The following FBXL2 variants were observed in gnomAD, a reference collection of about 807,000 sequenced individuals.
The protein encoded by FBXL2 is F-box and leucine rich repeat protein 2.
A neutral mutation model predicts 69.2 loss-of-function variants in FBXL2; 38 were observed. The observed-to-expected ratio is 0.55, with a 90% confidence interval of 0.42 to 0.72. FBXL2 has a LOEUF of 0.72. Ranked by LOEUF, FBXL2 falls within the 30% of genes least tolerant of loss-of-function variation. The pLI is 0.00. For synonymous variants in FBXL2, 192 were observed against 201.3 expected, an observed-to-expected ratio of 0.95 and a Z score of 0.39; for missense variants, 354 against 520.3, an observed-to-expected ratio of 0.68 and a Z score of 3.11.
chr3:33,355,652 A>G (rs1466641459), intron 2 of FBXL2, among the ~76,000 whole-genome samples: 2 of 152,226 alleles, frequency 1.3e-5, no homozygotes, highest in African/African-American at 4.8e-5. Flanking sequence ...GGAGCAGAAT[A>G]CAAAGTCCAA....
At chr3:33,379,682 AAAAAAAAAACAAAAAC>A (rs1238091371) in intron 13 of FBXL2, among the ~76,000 whole-genome samples, 1 of 108,270 alleles carries the variant, frequency 9.2e-6, no homozygotes, top group African/African-American at 3.6e-5. Context: ...AAATTGTACC[AAAAAAAAAACAAAAAC>A]AAAAAAAAAC....
At chr3:33,277,636 G>T (rs2033432588) in intron 1 of FBXL2, 121 bp downstream of exon 1, 1 of 1,040,620 alleles carries the variant, frequency 9.6e-7, no homozygotes, top group Admixed American at 4.3e-5. Flanking sequence ...GCCGGGCCGC[G>T]GCCTGCGAGG....
At chr3:33,376,426 T>C (rs2042645242) in intron 10 of FBXL2, among the ~76,000 whole-genome samples, 1 of 152,170 alleles carries the variant, frequency 6.6e-6, no homozygotes, top group Non-Finnish European at 1.5e-5. Flanking sequence ...CTTACTGTTG[T>C]AGAGAAGGTA....
chr3:33,335,678 ATATT>A (rs2039520918), intron 2 of FBXL2, among the ~76,000 whole-genome samples: 1 of 152,356 alleles, frequency 6.6e-6, no homozygotes, highest in East Asian at 1.9e-4. Flanking sequence ...ATATGCATAA[ATATT>A]TAATTATTTC....
chr3:33,408,690 A>G, the FBXL2 span: 2 of 1,612,994 alleles, frequency 1.2e-6, no homozygotes, highest in South Asian at 1.1e-5. Context: ...AGTCCCTTAC[A>G]CTGCCTCGCT....
In FBXL2 at chr3:33,385,548, C is replaced by G. The variant is rs1559651836; in HGVS notation, c.1212C>G (p.Thr404=). The G allele has an allele frequency of 6.2e-7, 1 of 1,614,062 alleles. No homozygotes were observed. The highest frequency in any genetic ancestry group is 1.7e-5 in the Admixed American group (1 of 60,000). Residue 404 remains threonine, a synonymous_variant, in exon 15 of 15, where the codon ACC becomes ACG. Transcript: ENST00000484457. ...TCCACGCCTACTTTGCTCCCGTCAC[C>G]CCACCGACAGCAGTGGCAGGAAGTG... The part of the protein sequence containing the change: ...VKVHAYFAPV[T]PPTAVAGSGQ...
At chr3:33,408,649 A>G (rs187316701), downstream of FBXL2, 9 of 1,562,326 alleles carry the variant, frequency 5.8e-6, no homozygotes, top group East Asian at 1.1e-4. Context: ...ACACTGCACA[A>G]GGTTTCTTGC....
chr3:33,396,310 T>TG lies in FBXL2; in HGVS notation n.1215-6921dup, dbSNP rs2043993512. On this transcript the variant is annotated intron_variant and non_coding_transcript_variant, in intron 12 of 12. Transcript: ENST00000463736. ...AATCAGAAGATGCCACTGATGAGCC[T>TG]GGGAGAGAAAGCTGCCTTACACATG... is the stretch of plus-strand genomic sequence containing the variant. The TG allele has an allele frequency of 2.6e-6, 4 of 1,529,326 alleles. No individual in the cohort carries two copies. The East Asian group carries it at 9.2e-5, about 35-fold the overall frequency. The allele number at this position is 1,529,326 out of a possible 1,614,324, so 94.7% of individuals were successfully genotyped here. A position where few individuals can be genotyped will look rare whatever the true frequency, so the allele number is the denominator to read the frequency against.
the FBXL2 span, among the ~76,000 whole-genome samples, chr3:33,420,309 T>C: frequency 5.9e-4 from 90 of 152,190 alleles, no homozygotes; most frequent in African/African-American, 2.1e-3. Context: ...TAGGGACTTA[T>C]AGCTGTACTT....
chr3:33,409,097 C>T, the FBXL2 span: 6 of 836,612 alleles, frequency 7.2e-6, no homozygotes, highest in Admixed American at 1.6e-4. Flanking sequence ...TAAATATTTT[C>T]CCCAGAAATT....
chr3:33,277,539 C>T, intron 1 of FBXL2, 24 bp downstream of exon 1: 1 of 1,285,348 alleles, frequency 7.8e-7, no homozygotes, highest in African/African-American at 1.5e-5. Flanking sequence ...CCGCGTCTGC[C>T]TAGCTGCCCC....
chr3:33,378,093 A>T lies in FBXL2; in HGVS notation c.850-10A>T. ...CTCACATGTGGGGTGTGTCTTGTGGACTCTTCCAGAATTGCCACGAATTGG... is the reference window on the plus strand; with the variant it reads ...CTCACATGTGGGGTGTGTCTTGTGGTCTCTTCCAGAATTGCCACGAATTGG... On this transcript the variant is annotated splice_polypyrimidine_tract_variant and intron_variant, in intron 11 of 14. Coordinates refer to ENST00000484457, the MANE Select transcript of FBXL2 (RefSeq NM_012157.5). 6.2e-7 allele frequency: 1 copy of T among 1,613,992 alleles called. No individual in the cohort carries two copies.
chr3:33,277,351 A>C, upstream of FBXL2: 1 of 674,666 alleles, frequency 1.5e-6, no homozygotes, highest in African/African-American at 1.9e-5. Context: ...GGGCGGTCCA[A>C]AGGGCACCGC....
At chr3:33,318,810 C>T (rs1036820895) in intron 2 of FBXL2, among the ~76,000 whole-genome samples, 13 of 152,200 alleles carry the variant, frequency 8.5e-5, no homozygotes, top group African/African-American at 3.1e-4. Flanking sequence ...ATCCTCCTCT[C>T]TGTAGTTATT....
At chr3:33,277,343 G>C, upstream of FBXL2, 1 of 535,540 alleles carries the variant, frequency 1.9e-6, no homozygotes, top group Admixed American at 4.4e-5. Flanking sequence ...CGAGGGGTGG[G>C]CGGTCCAAAG....
chr3:33,306,170 A>G (rs916582254), intron 2 of FBXL2, among the ~76,000 whole-genome samples: 1 of 152,110 alleles, frequency 6.6e-6, no homozygotes, highest in Non-Finnish European at 1.5e-5. Context: ...TGCATTCTAC[A>G]AATTTTGAAC....
At chr3:33,333,806 T>C (rs1559557065) in intron 2 of FBXL2, among the ~76,000 whole-genome samples, 1 of 152,272 alleles carries the variant, frequency 6.6e-6, no homozygotes, top group Admixed American at 6.5e-5. Flanking sequence ...AGAGAAATCG[T>C]CTAGTTCTTC....
intron 5 of FBXL2, among the ~76,000 whole-genome samples, chr3:33,366,971 A>G (rs1487625704): frequency 6.6e-6 from 1 of 152,218 alleles, no homozygotes; most frequent in Non-Finnish European, 1.5e-5. Context: ...AAACAATTTT[A>G]AAAAATTCTG....
chr3:33,409,675 G>A, the FBXL2 span: 2 of 1,569,866 alleles, frequency 1.3e-6, no homozygotes, highest in Non-Finnish European at 1.7e-6. Flanking sequence ...TCCCTCTTGA[G>A]TGACCTGACA....
Sources: allele counts gnomAD v4.1 joint callset (sites outside exome capture counted in the v4.1 genomes callset), GRCh38; gene constraint gnomAD v4.1.1; transcripts MANE v1.5; gene names NCBI Gene and HGNC (gene_info 2026-07-23, HGNC 2026-07-21).